The following PTPRN2 variants were observed in gnomAD, a reference collection of about 807,000 sequenced individuals.
PTPRN2 encodes receptor-type tyrosine-protein phosphatase N2.
PTPRN2 carries 74 observed loss-of-function variants against 118.8 expected under a neutral mutation model. That is an observed-to-expected ratio of 0.62 (90% confidence interval 0.52 to 0.76). The LOEUF (loss-of-function observed/expected upper bound fraction) is 0.76. PTPRN2 is among the 30% of genes least tolerant of loss of function. The probability of loss-of-function intolerance (pLI) is 0.00; values close to 1 mark genes in which losing one functional copy is unlikely to be tolerated. For synonymous variants in PTPRN2, 641 were observed against 608.0 expected (o/e 1.05, Z -0.80); for missense variants, 1,481 against 1,394.4 (o/e 1.06, Z -0.99).
At chr7:158,153,943 T>C (rs1821456700) in intron 6 of PTPRN2, among the ~76,000 whole-genome samples, 1 of 150,964 alleles carries the variant, frequency 6.6e-6, no homozygotes, top group African/African-American at 2.4e-5. Flanking sequence ...AGACTGGACA[T>C]GGGGGGACAG....
chr7:158,366,124 C>A (rs752708549), intron 2 of PTPRN2, among the ~76,000 whole-genome samples: 1 of 144,424 alleles, frequency 6.9e-6, no homozygotes, highest in African/African-American at 2.6e-5. Flanking sequence ...GCCCAATGCA[C>A]GCGTGCACAT....
intron 2 of PTPRN2, among the ~76,000 whole-genome samples, chr7:158,333,052 T>A (rs1804818388): frequency 8.5e-6 from 1 of 117,128 alleles, no homozygotes; most frequent in Admixed American, 7.8e-5. Context: ...ACACCCACAC[T>A]CTCACCATAA....
chr7:157,878,793 C>T (rs112061344), intron 12 of PTPRN2, among the ~76,000 whole-genome samples: 5 of 102,754 alleles, frequency 4.9e-5, no homozygotes, highest in Non-Finnish European at 6.0e-5. Context: ...GAGGAGCTCT[C>T]GGATTCCGTG....
chr7:158,218,983 G>C (rs1225042972), intron 3 of PTPRN2, among the ~76,000 whole-genome samples: 3 of 152,116 alleles, frequency 2.0e-5, no homozygotes, highest in East Asian at 3.9e-4. Context: ...AATAGGGGGA[G>C]ATTTCAATAT....
chr7:157,948,621 GA>G (rs1800625304), intron 11 of PTPRN2, among the ~76,000 whole-genome samples: 1 of 152,134 alleles, frequency 6.6e-6, no homozygotes, highest in Non-Finnish European at 1.5e-5. Context: ...TACTGTAAAT[GA>G]AAAGGGATCA....
At chr7:157,592,721 C>T (rs1320727630) in intron 17 of PTPRN2, among the ~76,000 whole-genome samples, 13 of 147,780 alleles carry the variant, frequency 8.8e-5, no homozygotes, top group African/African-American at 2.3e-4. Flanking sequence ...GCATGGATGC[C>T]GAGAGGCTTC....
intron 2 of PTPRN2, among the ~76,000 whole-genome samples, chr7:158,377,104 T>A (rs1324016378): frequency 1.2e-4 from 2 of 16,728 alleles, no homozygotes; most frequent in Admixed American, 5.5e-4. Context: ...TCACACGTCC[T>A]GAGAGGGGGG....
chr7:157,792,443 C>T (rs1186174491), intron 12 of PTPRN2, among the ~76,000 whole-genome samples: 1 of 152,202 alleles, frequency 6.6e-6, no homozygotes, highest in African/African-American at 2.4e-5. Context: ...ATCTCCACCC[C>T]CAGGGAGCTC....
chr7:158,548,603 A>C (rs1826444083), intron 1 of PTPRN2, among the ~76,000 whole-genome samples: 1 of 152,226 alleles, frequency 6.6e-6, no homozygotes, highest in Non-Finnish European at 1.5e-5. Context: ...AAATGAGTGT[A>C]AATTTTGCAC....
At chr7:158,506,165 G>A (rs186753693) in intron 1 of PTPRN2, among the ~76,000 whole-genome samples, 40 of 152,306 alleles carry the variant, frequency 2.6e-4, no homozygotes, top group African/African-American at 7.7e-4. Context: ...AGAAAGCAGA[G>A]GCTCCATGGG....
chr7:157,855,008 G>T, intron 12 of PTPRN2: 1 of 173,526 alleles, frequency 5.8e-6, no homozygotes, highest in South Asian at 8.7e-5. Context: ...GCAGGGGTGT[G>T]TGTGGGGCTG....
At chr7:158,152,712 C>A (rs986498781) in intron 6 of PTPRN2, among the ~76,000 whole-genome samples, 3 of 152,216 alleles carry the variant, frequency 2.0e-5, no homozygotes, top group African/African-American at 4.8e-5. Context: ...CCTATAAAAA[C>A]CCCCAAGACC....
chr7:158,577,687 AACAG>A (rs1828413888), intron 1 of PTPRN2, among the ~76,000 whole-genome samples: 1 of 152,254 alleles, frequency 6.6e-6, no homozygotes. Context: ...AACCTGATAA[AACAG>A]ACAGATAAAG....
chr7:158,549,308 A>G (rs2129450057), intron 1 of PTPRN2, among the ~76,000 whole-genome samples: 1 of 152,334 alleles, frequency 6.6e-6, no homozygotes. Flanking sequence ...CAGGGTCTCC[A>G]CGGGGAGCTG....
At chr7:158,446,366 G>A (rs1198619032) in intron 2 of PTPRN2, among the ~76,000 whole-genome samples, 6 of 152,228 alleles carry the variant, frequency 3.9e-5, no homozygotes, top group Admixed American at 3.9e-4. Context: ...GCCAGTATGA[G>A]GTGTTGCTGT....
chr7:158,545,935 G>A (rs1250279480), intron 1 of PTPRN2, among the ~76,000 whole-genome samples: 1 of 152,184 alleles, frequency 6.6e-6, no homozygotes, highest in African/African-American at 2.4e-5. Flanking sequence ...GGAGACAGAG[G>A]TTGCAGTGAG....
chr7:157,711,398 C>T (rs1428383257), intron 12 of PTPRN2, among the ~76,000 whole-genome samples: 1 of 138,496 alleles, frequency 7.2e-6, no homozygotes, highest in Admixed American at 7.1e-5. Flanking sequence ...CCCCACGCGC[C>T]GGAGGTTCCG....
rs200336249 is a variant in PTPRN2 at position 158,151,057 on chromosome 7, C to G, written c.911-12542G>C. 1.8e-3 allele frequency among the ~76,000 whole-genome samples: 218 copies of G among 121,246 alleles called. 7 individuals are homozygous for G. The East Asian group carries it at 0.021, about 12-fold the overall frequency. 79.5% of individuals were successfully genotyped at this position (121,246 alleles called of 152,430 possible). ...ACTGTCCTGCCCCTGCCTGCCCACA[C>G]TGCCCGCCTTTCCACTCTTGCCCCT... On this transcript the variant is annotated intron_variant, in intron 6 of 22. Transcript: ENST00000389418.
At position 158,525,366 on chromosome 7, in the gene PTPRN2, T is replaced by C. The variant is rs1269891786; in HGVS notation, c.113-35581A>G. 6.6e-6 allele frequency among the ~76,000 whole-genome samples: 1 copy of C among 152,196 alleles called. No homozygotes were observed. The highest frequency in any genetic ancestry group is 1.9e-4 in the East Asian group (1 of 5,172). On this transcript the variant is annotated intron_variant, in intron 1 of 22. Transcript: ENST00000389418. The surrounding 1 kb of genome is among the most constrained non-coding windows in gnomAD (Gnocchi z 4.1). Reference sequence around the variant, plus strand: ...GCAGCAGAAGGTAGCACGGGCAGGATGCTAGGCCCCAGGGGCCATGGGCTA... The same window carrying C: ...GCAGCAGAAGGTAGCACGGGCAGGACGCTAGGCCCCAGGGGCCATGGGCTA...
Sources: allele counts gnomAD v4.1 joint callset (sites outside exome capture counted in the v4.1 genomes callset), GRCh38; gene constraint gnomAD v4.1.1; non-coding constraint Gnocchi (gnomAD v3.1); transcripts MANE v1.5; gene names NCBI Gene and HGNC (gene_info 2026-07-23, HGNC 2026-07-21).